The following MYO3A variants were observed in gnomAD, a reference collection of about 807,000 sequenced individuals.
The protein encoded by MYO3A is myosin-IIIa.
MYO3A carries 180 observed loss-of-function variants against 192.7 expected under a neutral mutation model. The ratio of observed to expected loss-of-function variants is 0.93; its 90% confidence interval spans 0.83 to 1.06. The LOEUF (loss-of-function observed/expected upper bound fraction) is 1.06. Ranked by LOEUF, MYO3A falls within the 50% of genes least tolerant of loss-of-function variation. The pLI is 0.00. For synonymous variants in MYO3A, 628 were observed against 645.3 expected (o/e 0.97, Z 0.41); for missense variants, 1,896 against 1,905.0 (o/e 1.00, Z 0.09).
chr10:26,026,570 T>G lies in MYO3A; in HGVS notation c.953+38T>G, dbSNP rs370597062. The G allele has an allele frequency of 5.0e-6, 8 of 1,609,922 alleles. No homozygotes were observed. The African/African-American group carries it at 1.1e-4, about 22-fold the overall frequency. On this transcript the variant is annotated intron_variant, in intron 10 of 34. Transcript: ENST00000642920. ...TATCTTGATTCCAAAATCCAGAGAT[T>G]ATTGAAAGATTTTGAACAGTTTAAC...
chr10:25,987,098 C>T (rs1012603341), intron 4 of MYO3A, among the ~76,000 whole-genome samples: 3 of 152,040 alleles, frequency 2.0e-5, no homozygotes, highest in Non-Finnish European at 2.9e-5. Flanking sequence ...CAAACAAAAA[C>T]ATAAAGTGGG....
chr10:25,994,497 C>A lies in MYO3A; in HGVS notation c.304-1993C>A, dbSNP rs535463578. Among the ~76,000 whole-genome samples the A allele has an allele frequency of 2.6e-3, 395 of 152,258 alleles. 5 individuals are homozygous for A. The highest frequency in any genetic ancestry group is 2.1e-3 in the Non-Finnish European group (146 of 68,020). On this transcript the variant is annotated intron_variant, in intron 4 of 34. Transcript: ENST00000642920. Reference sequence around the variant, plus strand: ...GCCAGTCTGTGTCTTTTAATTGGAGCATTTAGTCCATTTACATTTAAGGTT... The same window carrying A: ...GCCAGTCTGTGTCTTTTAATTGGAGAATTTAGTCCATTTACATTTAAGGTT...
intron 24 of MYO3A, 50 bp from the exon 25 acceptor site, chr10:26,154,696 A>G (rs3818957): frequency 1.3e-6 from 2 of 1,540,038 alleles, no homozygotes; most frequent in East Asian, 4.5e-5. Flanking sequence ...TCTGTAGATA[A>G]TAAAGTACAA....
At chr10:26,198,159 T>TC (rs974081307) in intron 32 of MYO3A, among the ~76,000 whole-genome samples, 3 of 152,224 alleles carry the variant, frequency 2.0e-5, no homozygotes, top group African/African-American at 7.2e-5. Flanking sequence ...TGTTTTTTTT[T>TC]CTCCTTGGAT....
At chr10:26,020,164 G>T (rs141790288) in intron 7 of MYO3A, among the ~76,000 whole-genome samples, 44 of 152,206 alleles carry the variant, frequency 2.9e-4, no homozygotes, top group Admixed American at 1.1e-3. Flanking sequence ...CGCCATCCAC[G>T]CCAGAGCCAG....
intron 31 of MYO3A, among the ~76,000 whole-genome samples, chr10:26,189,812 T>C (rs1402302546): frequency 1.3e-5 from 2 of 152,036 alleles, no homozygotes; most frequent in Non-Finnish European, 2.9e-5. Flanking sequence ...ACGCCTGTAA[T>C]CCCAGCACTT....
chr10:26,080,918 C>T (rs1440054059), intron 14 of MYO3A, among the ~76,000 whole-genome samples: 1 of 152,164 alleles, frequency 6.6e-6, no homozygotes, highest in Admixed American at 6.5e-5. Flanking sequence ...CTATGGGTCT[C>T]TCAGCCATGG....
chr10:26,007,549 T>A (rs1482161401), intron 6 of MYO3A, among the ~76,000 whole-genome samples: 6 of 152,074 alleles, frequency 3.9e-5, no homozygotes, highest in African/African-American at 1.4e-4. Context: ...GGATACAAAA[T>A]CAATGTGCCA....
Position 26,065,585 on chromosome 10 carries a change from CAAAAAAAAAA to C in MYO3A, c.954-1371_954-1362del, listed in dbSNP as rs33982842. Among the ~76,000 whole-genome samples, 38 of 23,260 alleles carry C rather than the reference CAAAAAAAAAA, an allele frequency of 1.6e-3. 1 individual carries two copies. Among genetic ancestry groups the C allele is most frequent in the Non-Finnish European group, 2.9e-3 (37 of 12,762 alleles). The allele number at this position is 23,260 out of a possible 152,430, so 15.3% of individuals were successfully genotyped here. A position where few individuals can be genotyped will look rare whatever the true frequency, so the allele number is the denominator to read the frequency against. ...GGGTGACAGAGCGAGACTCCATCTC[CAAAAAAAAAA>C]AAAAAAAAAAAAAAAAAAGTATACA... On this transcript the variant is annotated intron_variant, in intron 10 of 34. Coordinates refer to ENST00000642920, the MANE Select transcript of MYO3A (RefSeq NM_017433.5).
chr10:26,212,180 T>G lies in MYO3A; in HGVS notation c.*217T>G. Reference sequence around the variant, plus strand: ...GCCCTCGGGAAACCTCCCCCGACGCTCTCTCTCGGAACTCCCGCACCCTCC... The same window carrying G: ...GCCCTCGGGAAACCTCCCCCGACGCGCTCTCTCGGAACTCCCGCACCCTCC... On this transcript the variant is annotated 3_prime_UTR_variant, in exon 35 of 35. Transcript: ENST00000642920. 4.7e-6 allele frequency: 3 copies of G among 634,312 alleles called. No homozygotes were observed. Among genetic ancestry groups the G allele is most frequent in the Non-Finnish European group, 7.7e-6 (3 of 388,424 alleles). The allele number at this position is 634,312 out of a possible 1,614,324, so 39.3% of individuals were successfully genotyped here.
intron 18 of MYO3A, among the ~76,000 whole-genome samples, chr10:26,123,880 C>T (rs1418087458): frequency 6.6e-6 from 1 of 152,018 alleles, no homozygotes; most frequent in Non-Finnish European, 1.5e-5. Context: ...GAGCGGAGAT[C>T]GTGCCACTAT....
intron 10 of MYO3A, among the ~76,000 whole-genome samples, chr10:26,052,883 C>T (rs1464752073): frequency 1.3e-5 from 2 of 151,800 alleles, no homozygotes; most frequent in African/African-American, 2.4e-5. Flanking sequence ...ATTAACCACC[C>T]CTAAGGGTAT....
At chr10:26,035,187 C>A (rs1377628583) in intron 10 of MYO3A, among the ~76,000 whole-genome samples, 1 of 152,132 alleles carries the variant, frequency 6.6e-6, no homozygotes, top group African/African-American at 2.4e-5. Context: ...GAAATAATAA[C>A]TTACCCTTTC....
intron 14 of MYO3A, among the ~76,000 whole-genome samples, chr10:26,085,483 T>C (rs1836250147): frequency 6.6e-6 from 1 of 152,236 alleles, no homozygotes; most frequent in Non-Finnish European, 1.5e-5. Context: ...GGTATTTTTT[T>C]ACTTTCCCTT....
intron 14 of MYO3A, among the ~76,000 whole-genome samples, chr10:26,086,952 T>A (rs1423825153): frequency 6.6e-6 from 1 of 151,450 alleles, no homozygotes; most frequent in Non-Finnish European, 1.5e-5. Context: ...AATCTCTTTG[T>A]CTTGTTTTAG....
At chr10:26,052,719 T>G (rs893476181) in intron 10 of MYO3A, among the ~76,000 whole-genome samples, 1 of 152,222 alleles carries the variant, frequency 6.6e-6, no homozygotes, top group African/African-American at 2.4e-5. Context: ...GTGATACAGC[T>G]TGATATTTAC....
intron 32 of MYO3A, among the ~76,000 whole-genome samples, chr10:26,193,684 A>C (rs1843262260): frequency 6.6e-6 from 1 of 152,222 alleles, no homozygotes; most frequent in African/African-American, 2.4e-5. Context: ...AGAAAAGGAA[A>C]GAAGAGGGGA....
At chr10:26,070,673 GCTTT>G (rs1409182275) in intron 14 of MYO3A, among the ~76,000 whole-genome samples, 1 of 152,008 alleles carries the variant, frequency 6.6e-6, no homozygotes, top group Non-Finnish European at 1.5e-5. Context: ...TTTATTGAAT[GCTTT>G]CTTTACTTTT....
intron 4 of MYO3A, among the ~76,000 whole-genome samples, chr10:25,966,487 G>A (rs1337537219): frequency 6.6e-6 from 1 of 152,100 alleles, no homozygotes. Context: ...GACATTGATA[G>A]GATAGGAAAG....
Sources: gnomAD v4.1 joint callset for allele counts (sites outside exome capture counted in the v4.1 genomes callset) on GRCh38, gnomAD v4.1.1 for gene constraint, MANE v1.5 for transcripts, NCBI Gene and HGNC (gene_info 2026-07-23, HGNC 2026-07-21) for gene names.